The following ICE2 variants were observed in gnomAD, a reference collection of about 807,000 sequenced individuals.
The protein encoded by ICE2 is little elongation complex subunit 2.
Under a neutral mutation model 105.4 loss-of-function variants are expected in ICE2, and 87 were observed. The observed-to-expected ratio is 0.83, with a 90% CI of 0.69 to 0.99. ICE2 has a LOEUF of 0.99. Ranked by LOEUF, ICE2 falls within the 50% of genes least tolerant of loss-of-function variation. The probability of loss-of-function intolerance (pLI) is 0.00; values close to 1 mark genes in which losing one functional copy is unlikely to be tolerated. For missense variants in ICE2, 1,323 were observed against 1,146.7 expected (o/e 1.15, Z -2.22); for synonymous variants, 399 against 392.0 (o/e 1.02, Z -0.21).
intron 6 of ICE2, among the ~76,000 whole-genome samples, chr15:60,456,142 T>A (rs1046728140): frequency 2.0e-5 from 3 of 152,046 alleles, no homozygotes; most frequent in Admixed American, 6.6e-5. Context: ...GTGACATTTT[T>A]AAAAACATCA....
intron 10 of ICE2, 113 bp from the exon 11 acceptor site, chr15:60,448,258 C>T: frequency 2.9e-6 from 2 of 687,512 alleles, no homozygotes; most frequent in Non-Finnish European, 4.7e-6. Flanking sequence ...TAATTTTCTA[C>T]TTCTCTGCCT....
At chr15:60,460,675 A>C (rs1294094170) in intron 5 of ICE2, among the ~76,000 whole-genome samples, 1 of 152,052 alleles carries the variant, frequency 6.6e-6, no homozygotes, top group Non-Finnish European at 1.5e-5. Flanking sequence ...ATTTAGTAGC[A>C]CCTCTGGCTC....
At chr15:60,467,989 A>G in intron 4 of ICE2, 72 bp downstream of exon 4, 1 of 1,347,776 alleles carries the variant, frequency 7.4e-7, no homozygotes, top group African/African-American at 1.5e-5. Flanking sequence ...AAAAACATAA[A>G]TGTAAATTTA....
Position 60,423,897 on chromosome 15 carries a change from T to C in ICE2, c.2821-135A>G, listed in dbSNP as rs558209709. ...TATATATTTTTCATCTCCAGCTAGCTGGCTGTTTCTAAACAAGTTTTAATC... is the reference window on the plus strand; with the variant it reads ...TATATATTTTTCATCTCCAGCTAGCCGGCTGTTTCTAAACAAGTTTTAATC... On this transcript the variant is annotated intron_variant, in intron 15 of 15. Coordinates refer to ENST00000261520, the MANE Select transcript of ICE2 (RefSeq NM_024611.6). 5 of 704,326 alleles carry C rather than the reference T, an allele frequency of 7.1e-6. No individual in the cohort carries two copies. The African/African-American group carries it at 9.3e-5, about 13-fold the overall frequency. The allele number at this position is 704,326 out of a possible 1,614,324, so 43.6% of individuals were successfully genotyped here. A position where few individuals can be genotyped will look rare whatever the true frequency, so the allele number is the denominator to read the frequency against.
intron 11 of ICE2, among the ~76,000 whole-genome samples, chr15:60,444,142 A>G (rs902166324): frequency 2.0e-5 from 3 of 152,114 alleles, no homozygotes; most frequent in African/African-American, 7.2e-5. Context: ...AAGGACACAT[A>G]GCTAGTTTAC....
At chr15:60,435,509 G>C (rs549188848) in intron 13 of ICE2, among the ~76,000 whole-genome samples, 1 of 150,914 alleles carries the variant, frequency 6.6e-6, no homozygotes, top group Non-Finnish European at 1.5e-5. Flanking sequence ...TGAGGCAGGA[G>C]AATCGCTTGA....
Position 60,428,645 on chromosome 15 carries a change from A to C in ICE2, c.2604T>G (p.Asp868Glu). 1.2e-6 allele frequency: 2 copies of C among 1,614,108 alleles called. No homozygotes were observed. The highest frequency in any genetic ancestry group is 3.3e-4 in the Middle Eastern group (2 of 6,062). Residue 868 changes from aspartate (D) to glutamate (E), a missense_variant, in exon 15 of 16, where the codon GAT becomes GAG. Asp to Glu is a conservative substitution (Grantham distance 45, BLOSUM62 2). Transcript: ENST00000261520. ...GSYLLSHAAE[D>E]SSLLIYKASD... ...AGGCCTTATAAATCAGGAGTGAAGA[A>C]TCTTCTGCTGCATGAGATAACAAGT...
chr15:60,439,368 ATCTTT>A (rs1323856417), intron 12 of ICE2: 4 of 152,202 alleles, frequency 2.6e-5, no homozygotes, highest in Non-Finnish European at 5.9e-5. Context: ...GGAAGGATGC[ATCTTT>A]TCTTTTTCTT....
At chr15:60,451,005 G>T in intron 9 of ICE2, 1 of 222,566 alleles carries the variant, frequency 4.5e-6, no homozygotes, top group Non-Finnish European at 7.6e-6. Flanking sequence ...AGCAATGAAA[G>T]TGTTAGACAA....
chr15:60,440,418 C>T (rs1170578826), intron 12 of ICE2: 1 of 152,126 alleles, frequency 6.6e-6, no homozygotes, highest in Non-Finnish European at 1.5e-5. Context: ...AGGAGTAAAT[C>T]TTCAAGTTTT....
At chr15:60,466,267 T>C (rs1043383644) in intron 5 of ICE2, among the ~76,000 whole-genome samples, 2 of 152,206 alleles carry the variant, frequency 1.3e-5, no homozygotes, top group East Asian at 1.9e-4. Context: ...ATTCAGACTT[T>C]TAGGGACCAG....
rs145739408 is a variant in ICE2 at position 60,424,059 on chromosome 15, C to G, written c.2821-297G>C. Reference sequence around the variant, plus strand: ...GAGGTTGAAAAGATAAATTAGAAATCAAGGGAATGACAGGCCTTATGTGTG... The same window carrying G: ...GAGGTTGAAAAGATAAATTAGAAATGAAGGGAATGACAGGCCTTATGTGTG... On this transcript the variant is annotated intron_variant, in intron 15 of 15. Coordinates refer to ENST00000261520, the MANE Select transcript of ICE2 (RefSeq NM_024611.6). Among the ~76,000 whole-genome samples the G allele has an allele frequency of 1.2e-3, 175 of 152,070 alleles. 3 individuals carry two copies. Among genetic ancestry groups the G allele is most frequent in the African/African-American group, 4.0e-3 (165 of 41,468 alleles).
chr15:60,430,511 A>G (rs999746683), intron 14 of ICE2, among the ~76,000 whole-genome samples: 1 of 152,226 alleles, frequency 6.6e-6, no homozygotes, highest in African/African-American at 2.4e-5. Flanking sequence ...TGATAATAAA[A>G]TTTCAAAAAA....
At chr15:60,439,031 A>T (rs2063659376) in intron 12 of ICE2, 1 of 152,208 alleles carries the variant, frequency 6.6e-6, no homozygotes, top group Admixed American at 6.5e-5. Flanking sequence ...TATGCACATA[A>T]ACATATACAT....
chr15:60,473,355 C>T (rs2064663373), intron 3 of ICE2, among the ~76,000 whole-genome samples: 1 of 151,906 alleles, frequency 6.6e-6, no homozygotes, highest in South Asian at 2.1e-4. Context: ...GCAGTGGCGT[C>T]ATCCTCGCTC....
chr15:60,429,240 AGCTAACTACTGTATTATG>A (rs1251325041), intron 14 of ICE2, among the ~76,000 whole-genome samples: 2 of 152,244 alleles, frequency 1.3e-5, no homozygotes, highest in Non-Finnish European at 2.9e-5. Flanking sequence ...GTTTATTATG[AGCTAACTACTGTATTATG>A]GCTTCAAATT....
Position 60,422,412 on chromosome 15 carries a change from C to T in ICE2, c.*1222G>A, listed in dbSNP as rs1595727875. The stretch of plus-strand genomic sequence containing the variant: ...AAGTGCTGGAATTACAGGTGTGAGC[C>T]ACCACGCCCGGCCCTGTCTGTAGTT... On this transcript the variant is annotated 3_prime_UTR_variant, in exon 16 of 16. Coordinates refer to ENST00000261520, the MANE Select transcript of ICE2 (RefSeq NM_024611.6). 6.6e-6 allele frequency: 1 copy of T among 152,202 alleles called. No individual in the cohort carries two copies. Among genetic ancestry groups the T allele is most frequent in the African/African-American group, 2.4e-5 (1 of 41,406 alleles). The allele number at this position is 152,202 out of a possible 1,614,324, so 9.4% of individuals were successfully genotyped here.
intron 5 of ICE2, 39 bp from the exon 6 acceptor site, chr15:60,456,833 TCTA>T: frequency 7.4e-7 from 1 of 1,343,806 alleles, no homozygotes; most frequent in Middle Eastern, 2.0e-4. Context: ...TTTGTATTTC[TCTA>T]ATAATGCAAA....
chr15:60,437,388 G>T (rs2063618658), intron 12 of ICE2, among the ~76,000 whole-genome samples: 1 of 151,594 alleles, frequency 6.6e-6, no homozygotes, highest in Admixed American at 6.6e-5. Flanking sequence ...AGGCTGGAGT[G>T]CAGTAGCATG....
Sources: gnomAD v4.1 joint callset for allele counts (sites outside exome capture counted in the v4.1 genomes callset) on GRCh38, gnomAD v4.1.1 for gene constraint, MANE v1.5 for transcripts, NCBI Gene and HGNC (gene_info 2026-07-23, HGNC 2026-07-21) for gene names.